Variants in BRIP1 observed in about 807,000 individuals in gnomAD.
The protein encoded by BRIP1 is Fanconi anemia group J protein.
BRIP1 carries 88 observed loss-of-function variants against 119.7 expected under a neutral mutation model. That is an observed-to-expected ratio of 0.74 (90% CI 0.62 to 0.88). The LOEUF is 0.88. BRIP1 is among the 40% of genes least tolerant of loss of function. The probability of loss-of-function intolerance (pLI) is 0.00; values close to 1 mark genes in which losing one functional copy is unlikely to be tolerated. For synonymous variants in BRIP1, 443 were observed against 496.5 expected (o/e 0.89, Z 1.43); for missense variants, 1,259 against 1,455.4 (o/e 0.87, Z 2.20).
chr17:61,683,880 A>G lies in BRIP1; in HGVS notation c.3166T>C (p.Ser1056Pro). 6.2e-7 allele frequency: 1 copy of G among 1,614,222 alleles called. No individual in the cohort carries two copies. The highest frequency in any genetic ancestry group is 8.5e-7 in the Non-Finnish European group (1 of 1,180,038). ...VLPFTDKCES[S>P]NLTVNTSFGS... ...AACGATGTGTTTACTGTCAGATTTG[A>G]GGATTCACATTTATCAGTGAAGGGC... The change falls in exon 20 of 20, where the codon TCA (serine) becomes CCA (proline). Residue 1056 changes from serine (S) to proline (P), a missense_variant. By Grantham distance (74) the Ser-to-Pro change is moderately conservative. Transcript: ENST00000259008. The surrounding 1 kb of genome is among the most constrained non-coding windows in gnomAD (Gnocchi z 4.7).
At position 61,860,551 on chromosome 17, in the gene BRIP1, T is replaced by C. The variant is rs1383736958; in HGVS notation, c.94-644A>G. ...GGCGCATCCCTGTAATCCCAGCTAC[T>C]GGGGAGGCTGAGGCAGGAGAATAGC... On this transcript the variant is annotated intron_variant, in intron 2 of 19. Coordinates refer to ENST00000259008, the MANE Select transcript of BRIP1 (RefSeq NM_032043.3). This position sits in a 1 kb window ranked among gnomAD's most constrained non-coding sequence, Gnocchi z 4.1. 6.6e-6 allele frequency among the ~76,000 whole-genome samples: 1 copy of C among 152,098 alleles called. No individual in the cohort carries two copies. Among genetic ancestry groups the C allele is most frequent in the Non-Finnish European group, 1.5e-5 (1 of 68,024 alleles).
In BRIP1 at chr17:61,848,120, T is replaced by C. The variant is rs1465033169; in HGVS notation, c.508-900A>G. Among the ~76,000 whole-genome samples, 1 of 152,202 alleles carries C rather than the reference T, an allele frequency of 6.6e-6. No individual in the cohort carries two copies. The highest frequency in any genetic ancestry group is 2.4e-5 in the African/African-American group (1 of 41,462). Reference sequence around the variant, plus strand: ...AACCTTGAGTATACTCAATTAAAAGTACCCAGTTACTTACCTACAAATAAC... The same window carrying C: ...AACCTTGAGTATACTCAATTAAAAGCACCCAGTTACTTACCTACAAATAAC... On this transcript the variant is annotated intron_variant, in intron 5 of 19. Coordinates refer to ENST00000259008, the MANE Select transcript of BRIP1 (RefSeq NM_032043.3). This position sits in a 1 kb window ranked among gnomAD's most constrained non-coding sequence, Gnocchi z 4.3.
In BRIP1 at chr17:61,725,276, C is replaced by T. The variant is rs1355696859; in HGVS notation, c.2380-9213G>A. On this transcript the variant is annotated intron_variant, in intron 16 of 19. Coordinates refer to ENST00000259008, the MANE Select transcript of BRIP1 (RefSeq NM_032043.3). This position sits in a 1 kb window ranked among gnomAD's most constrained non-coding sequence, Gnocchi z 5.3. ...ATGGTTTTTAGTTGTTACTTACTTT[C>T]CCTGTTACGTTACAACTTGACCACA... Among the ~76,000 whole-genome samples, 1 of 152,124 alleles carries T rather than the reference C, an allele frequency of 6.6e-6. No individual in the cohort carries two copies. Among genetic ancestry groups the T allele is most frequent in the Non-Finnish European group, 1.5e-5 (1 of 68,024 alleles).
In BRIP1 at chr17:61,725,145, G is replaced by GTGTA. The variant is rs1197946231; in HGVS notation, c.2380-9083_2380-9082insTACA. 2.4e-4 allele frequency among the ~76,000 whole-genome samples: 36 copies of GTGTA among 148,952 alleles called. No homozygotes were observed. Among genetic ancestry groups the GTGTA allele is most frequent in the East Asian group, 1.4e-3 (7 of 5,096 alleles). On this transcript the variant is annotated intron_variant, in intron 16 of 19. Transcript: ENST00000259008. The surrounding 1 kb of genome is among the most constrained non-coding windows in gnomAD (Gnocchi z 5.3). ...ATAGTGTGTGTGTGTGTGTGTGTGTGTATATACACTTTTTTTAAATGGGGA... is the reference window on the plus strand; with the variant it reads ...ATAGTGTGTGTGTGTGTGTGTGTGTGTGTATATATACACTTTTTTTAAATGGGGA...
At position 61,710,726 on chromosome 17, in the gene BRIP1, A is replaced by AT. The variant is rs1180569940; in HGVS notation, c.2492+5224dup. On this transcript the variant is annotated intron_variant, in intron 17 of 19. Transcript: ENST00000259008. This position sits in a 1 kb window ranked among gnomAD's most constrained non-coding sequence, Gnocchi z 5.4. ...AGTTTTAGAAATGGATGGGAACAAG[A>AT]TGTAAAGGGCCATTTAGTAGCCATG... Among the ~76,000 whole-genome samples the AT allele has an allele frequency of 6.6e-6, 1 of 152,166 alleles. No individual in the cohort carries two copies. The highest frequency in any genetic ancestry group is 1.5e-5 in the Non-Finnish European group (1 of 68,026).
intron 6 of BRIP1, among the ~76,000 whole-genome samples, chr17:61,829,931 T>C (rs1035688039): frequency 2.6e-5 from 4 of 151,742 alleles, no homozygotes; most frequent in Non-Finnish European, 5.9e-5. Context: ...TTTCAATCTT[T>C]TTTTTTTTCT....
At chr17:61,731,465 A>G (rs1334615582) in intron 16 of BRIP1, among the ~76,000 whole-genome samples, 2 of 152,222 alleles carry the variant, frequency 1.3e-5, no homozygotes, top group Non-Finnish European at 2.9e-5. Flanking sequence ...AATGGCATAC[A>G]GAGTCCTAAG....
chr17:61,682,123 G>A lies in BRIP1; in HGVS notation c.*1173C>T. ...CAAAATTCACAGAAAGGATTACTGT[G>A]CCCTAAGGAAACATATTTTAGCTGC... On this transcript the variant is annotated 3_prime_UTR_variant, in exon 20 of 20. Coordinates refer to ENST00000259008, the MANE Select transcript of BRIP1 (RefSeq NM_032043.3). This position sits in a 1 kb window ranked among gnomAD's most constrained non-coding sequence, Gnocchi z 4.9. 4.9e-6 allele frequency: 1 copy of A among 203,642 alleles called. No homozygotes were observed. Among genetic ancestry groups the A allele is most frequent in the Non-Finnish European group, 1.0e-5 (1 of 99,352 alleles). 12.6% of individuals were successfully genotyped at this position (203,642 alleles called of 1,614,324 possible).
Position 61,852,248 on chromosome 17 carries a change from G to A in BRIP1, c.380-2992C>T, listed in dbSNP as rs766230481. 2.1e-4 allele frequency among the ~76,000 whole-genome samples: 32 copies of A among 152,166 alleles called. No homozygotes were observed. Among genetic ancestry groups the A allele is most frequent in the Non-Finnish European group, 2.2e-4 (15 of 68,024 alleles). On this transcript the variant is annotated intron_variant, in intron 4 of 19. Transcript: ENST00000259008. The surrounding 1 kb of genome is among the most constrained non-coding windows in gnomAD (Gnocchi z 4.9). ...CAAAAAGGCTTATCTTCCTGGTCTTGATAGCAAGGGAGTTTGAAGGAAGTT... is the reference window on the plus strand; with the variant it reads ...CAAAAAGGCTTATCTTCCTGGTCTTAATAGCAAGGGAGTTTGAAGGAAGTT...
Position 61,760,626 on chromosome 17 carries a change from G to A in BRIP1, c.2097+15775C>T, listed in dbSNP as rs1262055697. ...ATAACTGATACCACAGAAATACAAA[G>A]GATCAAAGTGACTATTACAATTATA... On this transcript the variant is annotated intron_variant, in intron 14 of 19. Transcript: ENST00000259008. The surrounding 1 kb of genome is among the most constrained non-coding windows in gnomAD (Gnocchi z 4.6). Among the ~76,000 whole-genome samples, 1 of 151,700 alleles carries A rather than the reference G, an allele frequency of 6.6e-6. No individual in the cohort carries two copies. Among genetic ancestry groups the A allele is most frequent in the African/African-American group, 2.4e-5 (1 of 41,362 alleles).
In BRIP1 at chr17:61,808,677, A is replaced by G. The variant is rs775721645; in HGVS notation, c.708T>C (p.Asp236=). Residue 236 remains aspartate (D), a synonymous_variant, in exon 7 of 20, where the codon GAT becomes GAC. Transcript: ENST00000259008. The surrounding 1 kb of genome is among the most constrained non-coding windows in gnomAD (Gnocchi z 4.1). ...SQESSNTIKK[D]HTGKSKIPKI... ...TGGGTATCTTGGATTTCCCTGTATG[A>G]TCCTTCTTAATGGTATTCGATGACT... The G allele has an allele frequency of 6.2e-7, 1 of 1,613,894 alleles. No individual in the cohort carries two copies. The highest frequency in any genetic ancestry group is 1.1e-5 in the South Asian group (1 of 91,082).
rs2078657158 is a variant in BRIP1 at position 61,841,523 on chromosome 17, T to C, written c.627+5578A>G. Among the ~76,000 whole-genome samples, 1 of 151,986 alleles carries C rather than the reference T, an allele frequency of 6.6e-6. No homozygotes were observed. Among genetic ancestry groups the C allele is most frequent in the Admixed American group, 6.6e-5 (1 of 15,262 alleles). ...TATCATCTCACTCAGTTAGAATGGC[T>C]TACTATCGAAAAGACAAAAAAAAAT... is the stretch of plus-strand genomic sequence containing the variant. On this transcript the variant is annotated intron_variant, in intron 6 of 19. Transcript: ENST00000259008. The surrounding 1 kb of genome is among the most constrained non-coding windows in gnomAD (Gnocchi z 4.1).
At chr17:61,821,675 A>C (rs1162483771) in intron 6 of BRIP1, among the ~76,000 whole-genome samples, 1 of 151,978 alleles carries the variant, frequency 6.6e-6, no homozygotes, top group African/African-American at 2.4e-5. Flanking sequence ...GACTATAGGC[A>C]CATGCTACCA....
At chr17:61,788,549 A>G (rs554585421) in intron 10 of BRIP1, among the ~76,000 whole-genome samples, 1 of 152,234 alleles carries the variant, frequency 6.6e-6, no homozygotes, top group Non-Finnish European at 1.5e-5. Flanking sequence ...AGTGAGGGAT[A>G]TGCCCTACTA....
rs2078444240 is a variant in BRIP1 at position 61,828,628 on chromosome 17, C to T, written c.627+18473G>A. Among the ~76,000 whole-genome samples the T allele has an allele frequency of 6.6e-6, 1 of 151,964 alleles. No homozygotes were observed. The highest frequency in any genetic ancestry group is 1.5e-5 in the Non-Finnish European group (1 of 67,976). On this transcript the variant is annotated intron_variant, in intron 6 of 19. Transcript: ENST00000259008. This position sits in a 1 kb window ranked among gnomAD's most constrained non-coding sequence, Gnocchi z 4.1. ...TTTGCAATGCAAATGTTAAATAAAGCTCTTTAAGCTAATAGAAAAGTTACA... is the reference window on the plus strand; with the variant it reads ...TTTGCAATGCAAATGTTAAATAAAGTTCTTTAAGCTAATAGAAAAGTTACA...
chr17:61,772,660 A>G (rs2077473731), intron 14 of BRIP1, among the ~76,000 whole-genome samples: 1 of 151,998 alleles, frequency 6.6e-6, no homozygotes, highest in African/African-American at 2.4e-5. Flanking sequence ...CTCTACTAAA[A>G]ATACAAAATT....
intron 16 of BRIP1, among the ~76,000 whole-genome samples, chr17:61,737,404 C>G (rs989633092): frequency 1.3e-5 from 2 of 152,040 alleles, no homozygotes; most frequent in Non-Finnish European, 2.9e-5. Flanking sequence ...AATCAAATAT[C>G]TAAATTAAAG....
In BRIP1 at chr17:61,832,264, T is replaced by G. The variant is rs2078504348; in HGVS notation, c.627+14837A>C. ...CAACTTAACTGGTTTCCCACTTGAG[T>G]ACCAAAACAAATCATATAATAATTA... On this transcript the variant is annotated intron_variant, in intron 6 of 19. Coordinates refer to ENST00000259008, the MANE Select transcript of BRIP1 (RefSeq NM_032043.3). The surrounding 1 kb of genome is among the most constrained non-coding windows in gnomAD (Gnocchi z 5.5). 6.6e-6 allele frequency among the ~76,000 whole-genome samples: 1 copy of G among 151,982 alleles called. No individual in the cohort carries two copies. The highest frequency in any genetic ancestry group is 1.5e-5 in the Non-Finnish European group (1 of 67,990).
At chr17:61,694,920 T>C (rs2061499763) in intron 17 of BRIP1, among the ~76,000 whole-genome samples, 2 of 150,894 alleles carry the variant, frequency 1.3e-5, no homozygotes, top group African/African-American at 4.9e-5. Flanking sequence ...ATATTCTGGA[T>C]ACTAGATCCT....
Sources: allele counts gnomAD v4.1 joint callset (sites outside exome capture counted in the v4.1 genomes callset), GRCh38; gene constraint gnomAD v4.1.1; non-coding constraint Gnocchi (gnomAD v3.1); transcripts MANE v1.5; gene names NCBI Gene and HGNC (gene_info 2026-07-23, HGNC 2026-07-21).